Variants in PLN observed in about 807,000 individuals in gnomAD.
PLN encodes the protein phospholamban.
Under a neutral mutation model 3.9 loss-of-function variants are expected in PLN, and 1 was observed. The ratio of observed to expected loss-of-function variants is 0.26; its 90% CI spans 0.09 to 1.23. The LOEUF (loss-of-function observed/expected upper bound fraction) is 1.23, where lower values mean the gene tolerates loss of function less well. Among genes scored for constraint, PLN ranks in the 50% most tolerant of loss-of-function variants. PLN has a pLI of 0.48. For missense variants in PLN, 59 were observed against 62.7 expected (o/e 0.94, Z 0.20); for synonymous variants, 21 against 20.5 (o/e 1.02, Z -0.07).
chr6:118,551,960 G>T (rs945495059), intron 1 of PLN, among the ~76,000 whole-genome samples: 1 of 151,946 alleles, frequency 6.6e-6, no homozygotes, highest in African/African-American at 2.4e-5. Flanking sequence ...CCAAAAAAGG[G>T]TATATGCACA....
In PLN at chr6:118,558,951, A is replaced by G. The variant is rs1583047548; in HGVS notation, c.30A>G (p.Ser10=). Residue 10 remains serine (S), a synonymous_variant, in exon 2 of 2, where the codon TCA becomes TCG. Coordinates refer to ENST00000357525, the MANE Select transcript of PLN (RefSeq NM_002667.5). ...AGAAAGTCCAATACCTCACTCGCTC[A>G]GCTATAAGAAGAGCCTCAACCATTG... MEKVQYLTR[S]AIRRASTIEM... The G allele has an allele frequency of 1.9e-6, 3 of 1,613,694 alleles. No individual in the cohort carries two copies. Among genetic ancestry groups the G allele is most frequent in the Non-Finnish European group, 2.5e-6 (3 of 1,179,580 alleles).
intron 1 of PLN, among the ~76,000 whole-genome samples, chr6:118,550,600 G>A (rs1324145532): frequency 1.3e-5 from 2 of 151,834 alleles, no homozygotes; most frequent in African/African-American, 4.8e-5. Context: ...GCAAAAAGGT[G>A]AACTGCTCAA....
At chr6:118,553,475 AGAT>A (rs1333048394) in intron 1 of PLN, among the ~76,000 whole-genome samples, 46 of 152,236 alleles carry the variant, frequency 3.0e-4, no homozygotes, top group African/African-American at 9.6e-4. Flanking sequence ...CACACATTTC[AGAT>A]GATAACTGTA....
intron 1 of PLN, among the ~76,000 whole-genome samples, chr6:118,549,703 CTTATG>C: frequency 6.6e-6 from 1 of 151,720 alleles, no homozygotes; most frequent in Admixed American, 6.6e-5. Flanking sequence ...GTGTAGGTGT[CTTATG>C]TTATTTGTGC....
At chr6:118,556,198 T>C (rs1778865617) in intron 1 of PLN, among the ~76,000 whole-genome samples, 1 of 152,256 alleles carries the variant, frequency 6.6e-6, no homozygotes, top group Non-Finnish European at 1.5e-5. Context: ...ATGGTAGTTC[T>C]GCTTTTATAA....
chr6:118,552,890 C>A (rs1778634936), intron 1 of PLN, among the ~76,000 whole-genome samples: 1 of 152,066 alleles, frequency 6.6e-6, no homozygotes, highest in African/African-American at 2.4e-5. Flanking sequence ...AAACTCCTAA[C>A]AAGCACCTTT....
At chr6:118,554,970 G>A (rs1452850877) in intron 1 of PLN, among the ~76,000 whole-genome samples, 2 of 152,094 alleles carry the variant, frequency 1.3e-5, no homozygotes, top group Non-Finnish European at 1.5e-5. Context: ...TAAACTCCTG[G>A]CCAACTCCCT....
chr6:118,551,922 T>C (rs559998991), intron 1 of PLN, among the ~76,000 whole-genome samples: 2 of 152,168 alleles, frequency 1.3e-5, no homozygotes, highest in South Asian at 4.1e-4. Flanking sequence ...AATCTAATGA[T>C]GAACTGTCCT....
intron 1 of PLN, among the ~76,000 whole-genome samples, chr6:118,555,951 T>C (rs960071412): frequency 6.6e-6 from 1 of 152,208 alleles, no homozygotes; most frequent in African/African-American, 2.4e-5. Context: ...GACCTCCAGC[T>C]CCATCCATGT....
intron 1 of PLN, among the ~76,000 whole-genome samples, chr6:118,551,899 C>G (rs951784251): frequency 4.6e-5 from 7 of 151,950 alleles, no homozygotes; most frequent in African/African-American, 1.2e-4. Flanking sequence ...TGTAAGCCAA[C>G]AGATTCATCG....
intron 1 of PLN, among the ~76,000 whole-genome samples, chr6:118,549,087 A>G (rs3798600): frequency 6.6e-6 from 1 of 152,032 alleles, no homozygotes; most frequent in African/African-American, 2.4e-5. Context: ...GAAATTTTAA[A>G]ACAATGTTCA....
At chr6:118,555,377 G>A (rs535142713) in intron 1 of PLN, among the ~76,000 whole-genome samples, 236 of 146,190 alleles carry the variant, frequency 1.6e-3, no homozygotes, top group African/African-American at 5.5e-3. Context: ...GCAGTGAGCC[G>A]AGATCGTGCC....
At chr6:118,550,980 GCA>G (rs1320426256) in intron 1 of PLN, among the ~76,000 whole-genome samples, 1 of 151,630 alleles carries the variant, frequency 6.6e-6, no homozygotes, top group African/African-American at 2.4e-5. Flanking sequence ...CAAACTAACT[GCA>G]CAGACTTTAA....
intron 1 of PLN, among the ~76,000 whole-genome samples, chr6:118,549,731 A>G (rs1293798002): frequency 6.6e-6 from 1 of 151,882 alleles, no homozygotes; most frequent in African/African-American, 2.4e-5. Context: ...TTTTATTCAA[A>G]TATCTATCAA....
At chr6:118,548,942 C>T (rs539511013) in intron 1 of PLN, among the ~76,000 whole-genome samples, 3 of 152,058 alleles carry the variant, frequency 2.0e-5, no homozygotes, top group South Asian at 2.1e-4. Context: ...ATACAAGCTA[C>T]TTTTAAAGTG....
intron 1 of PLN, among the ~76,000 whole-genome samples, chr6:118,549,066 AAAG>A (rs1312152256): frequency 1.3e-5 from 2 of 152,044 alleles, no homozygotes; most frequent in Non-Finnish European, 2.9e-5. Flanking sequence ...ATTGTATCAT[AAAG>A]AAGTTTAGAA....
Position 118,553,215 on chromosome 6 carries a change from T to TA in PLN, c.-98+4840dup, listed in dbSNP as rs59502810. On this transcript the variant is annotated intron_variant, in intron 1 of 1. Transcript: ENST00000357525. ...TTAAACAGCTTAGCTGTTAAGAAAT[T>TA]AAAAAAAAAAAAAAAAAGGAAACTC... Among the ~76,000 whole-genome samples, 351 of 138,928 alleles carry TA rather than the reference T, an allele frequency of 2.5e-3. 1 individual carries two copies. The highest frequency in any genetic ancestry group is 0.017 in the East Asian group (81 of 4,664). 91.1% of individuals were successfully genotyped at this position (138,928 alleles called of 152,430 possible).
chr6:118,549,292 AAAAAT>A (rs2114919838), intron 1 of PLN, among the ~76,000 whole-genome samples: 1 of 152,060 alleles, frequency 6.6e-6, no homozygotes, highest in East Asian at 1.9e-4. Flanking sequence ...AAAGAAAGGA[AAAAAT>A]AAAATAAATG....
At position 118,558,982 on chromosome 6, in the gene PLN, C is replaced by CCT. The variant is rs794729138; in HGVS notation, c.63_64dup (p.Gln22LeufsTer19). On this transcript the variant is annotated frameshift_variant, in exon 2 of 2. Coordinates refer to ENST00000357525, the MANE Select transcript of PLN (RefSeq NM_002667.5). LOFTEE classifies it high-confidence loss of function. The stretch of plus-strand genomic sequence containing the variant: ...AAGAAGAGCCTCAACCATTGAAATG[C>CCT]CTCAACAAGCACGTCAAAAGCTACA... 31 of 1,611,584 alleles carry CCT rather than the reference C, an allele frequency of 1.9e-5. No homozygotes were observed. Among genetic ancestry groups the CCT allele is most frequent in the Non-Finnish European group, 2.6e-5 (31 of 1,177,812 alleles).
Sources: allele counts gnomAD v4.1 joint callset (sites outside exome capture counted in the v4.1 genomes callset), GRCh38; gene constraint gnomAD v4.1.1; transcripts MANE v1.5; gene names NCBI Gene and HGNC (gene_info 2026-07-23, HGNC 2026-07-21).